SMAP1: variants seen among roughly 807,000 people sequenced by gnomAD.
The protein encoded by SMAP1 is stromal membrane-associated protein 1.
In SMAP1, 24 loss-of-function variants were observed where a neutral mutation model predicts 58.5. The ratio of observed to expected loss-of-function variants is 0.41; its 90% CI spans 0.30 to 0.58. SMAP1 has a LOEUF of 0.58. Ranked by LOEUF, SMAP1 falls within the 20% of genes least tolerant of loss-of-function variation. The pLI is 0.29. For synonymous variants in SMAP1, 216 were observed against 196.6 expected (o/e 1.10, Z -0.82); for missense variants, 563 against 566.3 (o/e 0.99, Z 0.06).
At chr6:70,773,296 G>T in intron 3 of SMAP1, 54 bp from the exon 4 acceptor site, 1 of 1,072,850 alleles carries the variant, frequency 9.3e-7, no homozygotes, top group Non-Finnish European at 1.4e-6. Context: ...CGTGAATAAA[G>T]GGAAGTGTAC....
At chr6:70,804,280 C>G (rs1769013336) in intron 6 of SMAP1, among the ~76,000 whole-genome samples, 1 of 148,134 alleles carries the variant, frequency 6.8e-6, no homozygotes, top group Admixed American at 6.7e-5. Context: ...CGTTTGAAGT[C>G]TGTTTTATCA....
At chr6:70,838,794 G>A (rs1770698118) in intron 7 of SMAP1, among the ~76,000 whole-genome samples, 2 of 152,198 alleles carry the variant, frequency 1.3e-5, no homozygotes, top group African/African-American at 4.8e-5. Context: ...AACTCTGAGT[G>A]ACCTGGAAAG....
At chr6:70,719,569 C>T (rs184060170) in intron 1 of SMAP1, among the ~76,000 whole-genome samples, 14 of 152,214 alleles carry the variant, frequency 9.2e-5, no homozygotes, top group Non-Finnish European at 5.9e-5. Context: ...AATATTTCAG[C>T]GTTTGTCTCC....
chr6:70,773,232 G>GCA (rs2149914647), intron 3 of SMAP1, 118 bp from the exon 4 acceptor site: 1 of 618,438 alleles, frequency 1.6e-6, no homozygotes, highest in African/African-American at 1.9e-5. Context: ...GTGAAAGAGA[G>GCA]CACAGATTGA....
rs1262722353 is a variant in SMAP1, at chr6:70,803,463, T to G, written c.576+4726T>G. ...AAAACCACTCCTGGATTCATTGATTTTTTTGAAGGTTTTTTTGTGTCTCTA... is the reference window on the plus strand; with the variant it reads ...AAAACCACTCCTGGATTCATTGATTGTTTTGAAGGTTTTTTTGTGTCTCTA... On this transcript the variant is annotated intron_variant, in intron 6 of 10. Transcript: ENST00000370455. 2.0e-5 allele frequency among the ~76,000 whole-genome samples: 3 copies of G among 152,200 alleles called. No homozygotes were observed. In the East Asian group the frequency reaches 5.8e-4, roughly 29 times the overall value.
intron 6 of SMAP1, among the ~76,000 whole-genome samples, chr6:70,814,976 A>G (rs1462139512): frequency 6.6e-6 from 1 of 152,180 alleles, no homozygotes; most frequent in Non-Finnish European, 1.5e-5. Context: ...AAGGATGGAC[A>G]GATATGGAAC....
At chr6:70,730,876 T>C (rs1765406344) in intron 1 of SMAP1, among the ~76,000 whole-genome samples, 1 of 152,226 alleles carries the variant, frequency 6.6e-6, no homozygotes, top group Non-Finnish European at 1.5e-5. Context: ...CTCGACTCAC[T>C]GCAATCTCTG....
chr6:70,765,595 A>G (rs1766937166), intron 3 of SMAP1, among the ~76,000 whole-genome samples: 1 of 152,162 alleles, frequency 6.6e-6, no homozygotes, highest in Admixed American at 6.5e-5. Context: ...CTCCTACCAT[A>G]ATGAAGTTGA....
intron 4 of SMAP1, among the ~76,000 whole-genome samples, chr6:70,778,650 G>A (rs1332884311): frequency 6.6e-6 from 1 of 152,236 alleles, no homozygotes; most frequent in Non-Finnish European, 1.5e-5. Flanking sequence ...CATGTGGGCG[G>A]TGGTGGCTGT....
chr6:70,793,608 C>T (rs1243690984), intron 5 of SMAP1, among the ~76,000 whole-genome samples: 1 of 147,134 alleles, frequency 6.8e-6, no homozygotes, highest in African/African-American at 2.5e-5. Context: ...ATATACAGGT[C>T]TAGGCCCATG....
rs1478050547 is a variant in SMAP1, at chr6:70,858,184, G to A, written c.1224G>A (p.Lys408=). 6.2e-7 allele frequency: 1 copy of A among 1,610,856 alleles called. No individual in the cohort carries two copies. The highest frequency in any genetic ancestry group is 8.5e-7 in the Non-Finnish European group (1 of 1,178,548). ...GACAAATGGGTGCACCCCAGAGTAA[G>A]TTTGGCCTGCCGCAAGCTCAGCAGC... ...MVGQMGAPQS[K]FGLPQAQQPQ... is the part of the protein sequence containing the mutation. The change falls in exon 10 of 11, where the codon AAG becomes AAA. Residue 408 remains lysine (K), a synonymous_variant. Coordinates refer to ENST00000370455, the MANE Select transcript of SMAP1 (RefSeq NM_001044305.3).
At chr6:70,768,414 G>A (rs1767102768) in intron 3 of SMAP1, among the ~76,000 whole-genome samples, 1 of 152,096 alleles carries the variant, frequency 6.6e-6, no homozygotes, top group Non-Finnish European at 1.5e-5. Flanking sequence ...ATTGATTATT[G>A]CCACAATTTC....
intron 6 of SMAP1, among the ~76,000 whole-genome samples, chr6:70,802,955 G>C (rs1768930403): frequency 1.3e-5 from 2 of 152,192 alleles, no homozygotes; most frequent in South Asian, 4.1e-4. Context: ...AGGGATATTG[G>C]TCTAAAATTC....
At chr6:70,682,227 C>T (rs1002436936) in intron 1 of SMAP1, among the ~76,000 whole-genome samples, 11 of 129,452 alleles carry the variant, frequency 8.5e-5, no homozygotes, top group South Asian at 2.5e-4. Flanking sequence ...CTCCCTCTGT[C>T]GCCCAGGCTC....
At chr6:70,760,097 A>C (rs1766687696) in intron 3 of SMAP1, among the ~76,000 whole-genome samples, 2 of 152,080 alleles carry the variant, frequency 1.3e-5, no homozygotes, top group South Asian at 4.1e-4. Context: ...TGGTAGTCTG[A>C]GTAAAATCAG....
intron 1 of SMAP1, among the ~76,000 whole-genome samples, chr6:70,730,928 G>A (rs145636512): frequency 6.6e-5 from 10 of 152,094 alleles, no homozygotes; most frequent in Non-Finnish European, 1.5e-4. Context: ...GCCTCCTGAG[G>A]AGCTGGTATT....
chr6:70,745,413 C>T (rs1363368251), intron 2 of SMAP1, among the ~76,000 whole-genome samples: 1 of 152,268 alleles, frequency 6.6e-6, no homozygotes. Flanking sequence ...TTTCCCAGCA[C>T]CATTTATTAA....
chr6:70,713,322 T>C (rs1337907087), intron 1 of SMAP1, among the ~76,000 whole-genome samples: 1 of 152,164 alleles, frequency 6.6e-6, no homozygotes, highest in Non-Finnish European at 1.5e-5. Context: ...GTTAAGTCTG[T>C]TCTTATTCTA....
chr6:70,730,670 TGG>T (rs112192002), intron 1 of SMAP1, among the ~76,000 whole-genome samples: 1 of 152,156 alleles, frequency 6.6e-6, no homozygotes, highest in Non-Finnish European at 1.5e-5. Context: ...TTAAGGAATT[TGG>T]GGGGGCATTA....
Sources: gnomAD v4.1 joint callset for allele counts (sites outside exome capture counted in the v4.1 genomes callset) on GRCh38, gnomAD v4.1.1 for gene constraint, MANE v1.5 for transcripts, NCBI Gene and HGNC (gene_info 2026-07-23, HGNC 2026-07-21) for gene names.